Variants in KIT observed in about 807,000 individuals in gnomAD.
KIT encodes the protein KIT proto-oncogene, receptor tyrosine kinase.
In KIT, 16 loss-of-function variants were observed where a neutral mutation model predicts 105.7. The ratio of observed to expected loss-of-function variants is 0.15; its 90% confidence interval spans 0.10 to 0.23. KIT has a LOEUF of 0.23. Ranked by LOEUF, KIT falls within the 10% of genes least tolerant of loss-of-function variation. The pLI, the probability that KIT is intolerant of heterozygous loss-of-function variation, is 1.00. For synonymous variants in KIT, 438 were observed against 441.1 expected (o/e 0.99, Z 0.09); for missense variants, 858 against 1,213.8 (o/e 0.71, Z 4.36).
rs1478571789 is a variant in KIT, at chr4:54,695,945, T to C, written c.337+164T>C. On this transcript the variant is annotated intron_variant, in intron 2 of 20. Transcript: ENST00000288135. Reference sequence around the variant, plus strand: ...CACTGTTCTCTCCCATCTTTTGATATGATACATAGTGGCTTTGGGTATGGC... The same window carrying C: ...CACTGTTCTCTCCCATCTTTTGATACGATACATAGTGGCTTTGGGTATGGC... 1.6e-5 allele frequency: 12 copies of C among 770,214 alleles called. No individual in the cohort carries two copies. The East Asian group carries it at 2.1e-4, about 14-fold the overall frequency. The allele number at this position is 770,214 out of a possible 1,614,324, so 47.7% of individuals were successfully genotyped here.
At chr4:54,684,424 T>C (rs1425346311) in intron 1 of KIT, among the ~76,000 whole-genome samples, 12 of 152,174 alleles carry the variant, frequency 7.9e-5, no homozygotes, top group Admixed American at 6.5e-4. Flanking sequence ...TATGGACACA[T>C]GCATCAGCTC....
intron 17 of KIT, among the ~76,000 whole-genome samples, chr4:54,734,670 CAT>C (rs1411725629): frequency 3.9e-5 from 6 of 152,150 alleles, no homozygotes; most frequent in Non-Finnish European, 7.3e-5. Flanking sequence ...GAAGGAAACT[CAT>C]ATATGTTACC....
chr4:54,683,790 ATCT>A (rs1719113713), intron 1 of KIT, among the ~76,000 whole-genome samples: 1 of 152,182 alleles, frequency 6.6e-6, no homozygotes, highest in Admixed American at 6.5e-5. Context: ...GCCCAAGGGC[ATCT>A]TCTTTTGCCA....
At chr4:54,676,196 T>A (rs1017759797) in intron 1 of KIT, among the ~76,000 whole-genome samples, 9 of 152,186 alleles carry the variant, frequency 5.9e-5, no homozygotes, top group African/African-American at 1.7e-4. Context: ...ACCAGCAGCA[T>A]CAGGATCACC....
chr4:54,734,632 A>G (rs1722811129), intron 17 of KIT, among the ~76,000 whole-genome samples: 1 of 152,148 alleles, frequency 6.6e-6, no homozygotes, highest in Non-Finnish European at 1.5e-5. Context: ...GCTAGTGGGT[A>G]AGGAGAATTT....
chr4:54,711,472 G>A (rs190622548), intron 7 of KIT, among the ~76,000 whole-genome samples: 3 of 152,302 alleles, frequency 2.0e-5, no homozygotes, highest in East Asian at 1.9e-4. Flanking sequence ...GGGATAGGAT[G>A]TATATATCCC....
At chr4:54,685,670 C>A (rs891113972) in intron 1 of KIT, among the ~76,000 whole-genome samples, 2 of 152,136 alleles carry the variant, frequency 1.3e-5, no homozygotes, top group Non-Finnish European at 2.9e-5. Flanking sequence ...GGGGTTCTGC[C>A]CTCTGTCCCT....
intron 1 of KIT, among the ~76,000 whole-genome samples, chr4:54,660,743 A>G (rs1016698235): frequency 1.3e-5 from 2 of 152,120 alleles, no homozygotes; most frequent in African/African-American, 2.4e-5. Context: ...GATAAGCCCT[A>G]AATCATCAGT....
rs1282417552 is a variant in KIT, at chr4:54,737,256, G to A, written c.2778G>A (p.Lys926=). 2.5e-6 allele frequency: 4 copies of A among 1,612,934 alleles called. No individual in the cohort carries two copies. Among genetic ancestry groups the A allele is most frequent in the East Asian group, 2.2e-5 (1 of 44,870 alleles). The change falls in exon 20 of 21, where the codon AAG becomes AAA. Residue 926 remains lysine (K), a synonymous_variant. Coordinates refer to ENST00000288135, the MANE Select transcript of KIT (RefSeq NM_000222.3). ...AGCAAATTGTTCAGCTAATTGAGAA[G>A]CAGATTTCAGAGAGCACCAATCATG... ...TFKQIVQLIE[K]QISESTNHIY...
At chr4:54,675,394 A>G (rs1227558750) in intron 1 of KIT, among the ~76,000 whole-genome samples, 1 of 152,262 alleles carries the variant, frequency 6.6e-6, no homozygotes, top group Non-Finnish European at 1.5e-5. Context: ...GGTCGTTAAG[A>G]ATTCTTTGCA....
intron 7 of KIT, among the ~76,000 whole-genome samples, chr4:54,721,891 G>A (rs1474307926): frequency 6.6e-6 from 1 of 152,194 alleles, no homozygotes; most frequent in Non-Finnish European, 1.5e-5. Context: ...GATTATTGAG[G>A]AGAATATTTA....
chr4:54,690,377 G>A (rs543262788), intron 1 of KIT, among the ~76,000 whole-genome samples: 14 of 152,250 alleles, frequency 9.2e-5, no homozygotes, highest in Non-Finnish European at 1.5e-4. Context: ...GTAAGTGTCC[G>A]CTTCCTCCTC....
chr4:54,727,094 C>T (rs1157777397), intron 9 of KIT, 124 bp from the exon 10 acceptor site: 2 of 811,492 alleles, frequency 2.5e-6, no homozygotes, highest in Non-Finnish European at 2.2e-6. Flanking sequence ...CTCTGAGACT[C>T]ACATAGCTTT....
chr4:54,731,426 A>G lies in KIT; in HGVS notation c.2233+7A>G. ...AGGAGATCTGTGAGAATAGGTGAGT[A>G]CCTACCTATCAAGCAACCAAGAGTA... On this transcript the variant is annotated splice_region_variant and intron_variant, in intron 15 of 20. Transcript: ENST00000288135. 2 of 1,589,870 alleles carry G rather than the reference A, an allele frequency of 1.3e-6. No homozygotes were observed. The highest frequency in any genetic ancestry group is 1.7e-6 in the Non-Finnish European group (2 of 1,158,082).
At chr4:54,676,058 T>C (rs1052337642) in intron 1 of KIT, among the ~76,000 whole-genome samples, 1 of 152,160 alleles carries the variant, frequency 6.6e-6, no homozygotes, top group Non-Finnish European at 1.5e-5. Flanking sequence ...CCAGGCAGAT[T>C]TGCTCACTCA....
rs148771698 is a variant in KIT, at chr4:54,729,400, C to T, written c.2056C>T (p.Arg686Cys). The T allele has an allele frequency of 5.7e-5, 92 of 1,613,516 alleles. No individual in the cohort carries two copies. Among genetic ancestry groups the T allele is most frequent in the Non-Finnish European group, 6.8e-5 (80 of 1,179,738 alleles). ...TCTTTTGAATTTTTTGAGAAGAAAA[C>T]GTGATTCATTTATTTGTTCAAAGCA... is the stretch of plus-strand genomic sequence containing the variant. The part of the protein sequence containing the change: ...GDLLNFLRRK[R>C]DSFICSKQED... The change falls in exon 14 of 21, where the codon CGT (arginine) becomes TGT (cysteine). Residue 686 changes from arginine (R) to cysteine (C), a missense_variant. By Grantham distance (180) the Arg-to-Cys change is radical (BLOSUM62 -3). Coordinates refer to ENST00000288135, the MANE Select transcript of KIT (RefSeq NM_000222.3).
At chr4:54,688,630 G>A (rs759759876) in intron 1 of KIT, among the ~76,000 whole-genome samples, 10 of 152,162 alleles carry the variant, frequency 6.6e-5, no homozygotes, top group South Asian at 4.1e-4. Flanking sequence ...TGAAGTTGCC[G>A]GGGAGAACCC....
At chr4:54,684,169 G>A (rs1051427926) in intron 1 of KIT, among the ~76,000 whole-genome samples, 1 of 142,956 alleles carries the variant, frequency 7.0e-6, no homozygotes. Context: ...ACACAGAGGT[G>A]TGTGGGTGGG....
intron 1 of KIT, among the ~76,000 whole-genome samples, chr4:54,666,788 C>T (rs1002272608): frequency 1.3e-5 from 2 of 152,144 alleles, no homozygotes; most frequent in African/African-American, 4.8e-5. Flanking sequence ...AATAACCAAC[C>T]GTTTTTCTTT....
Sources: allele counts gnomAD v4.1 joint callset (sites outside exome capture counted in the v4.1 genomes callset), GRCh38; gene constraint gnomAD v4.1.1; transcripts MANE v1.5; gene names NCBI Gene and HGNC (gene_info 2026-07-23, HGNC 2026-07-21).